FER1L6: variants seen among roughly 807,000 people sequenced by gnomAD.
FER1L6 encodes the protein fer-1-like protein 6.
Under a neutral mutation model 219.2 loss-of-function variants are expected in FER1L6, and 177 were observed. The ratio of observed to expected loss-of-function variants is 0.81; its 90% confidence interval spans 0.71 to 0.91. The LOEUF is 0.91. Ranked by LOEUF, FER1L6 falls within the 40% of genes least tolerant of loss-of-function variation. The probability of loss-of-function intolerance (pLI) is 0.00; values close to 1 mark genes in which losing one functional copy is unlikely to be tolerated. For synonymous variants in FER1L6, 768 were observed against 824.3 expected, an observed-to-expected ratio of 0.93 and a Z score of 1.17; for missense variants, 2,153 against 2,259.9, an observed-to-expected ratio of 0.95 and a Z score of 0.96.
chr8:124,100,603 G>C (rs1167843985), intron 37 of FER1L6, among the ~76,000 whole-genome samples: 1 of 152,098 alleles, frequency 6.6e-6, no homozygotes, highest in Non-Finnish European at 1.5e-5. Context: ...AGGGAGGAGG[G>C]GACCAATTAT....
chr8:124,035,328 T>C lies in FER1L6; in HGVS notation c.2338T>C (p.Tyr780His). ...GWSVQAKVDVYLWLGSIKHAS... is the reference protein window; with the variant it reads ...GWSVQAKVDVHLWLGSIKHAS... The stretch of plus-strand genomic sequence containing the variant: ...GTCTGTGCAAGCAAAAGTCGACGTG[T>C]ACCTGTGGCTGGGCTCCATCAAGCA... The change falls in exon 19 of 41, where the codon TAC becomes CAC. Residue 780 changes from tyrosine (Y) to histidine (H), a missense_variant. Coordinates refer to ENST00000522917, the MANE Select transcript of FER1L6 (RefSeq NM_001039112.2). The C allele has an allele frequency of 6.2e-7, 1 of 1,614,136 alleles. No homozygotes were observed. The highest frequency in any genetic ancestry group is 1.1e-5 in the South Asian group (1 of 91,082).
chr8:124,075,374 G>C (rs146376784), intron 31 of FER1L6, among the ~76,000 whole-genome samples: 4 of 152,090 alleles, frequency 2.6e-5, no homozygotes, highest in Non-Finnish European at 5.9e-5. Flanking sequence ...ACAGGGTCAG[G>C]ATCATCAATA....
In FER1L6 at chr8:124,060,727, T is replaced by C; in HGVS notation, c.3147+18T>C. 1 of 1,607,934 alleles carries C rather than the reference T, an allele frequency of 6.2e-7. No individual in the cohort carries two copies. Among genetic ancestry groups the C allele is most frequent in the Non-Finnish European group, 8.5e-7 (1 of 1,174,892 alleles). ...TCGAAGTGGTGCGAGCTTCTCACTC[T>C]CCCGACCTGGCTCATTCCTCTTTTT... is the stretch of plus-strand genomic sequence containing the variant. On this transcript the variant is annotated intron_variant, in intron 24 of 40. Coordinates refer to ENST00000522917, the MANE Select transcript of FER1L6 (RefSeq NM_001039112.2).
intron 39 of FER1L6, among the ~76,000 whole-genome samples, chr8:124,112,952 A>G (rs887921861): frequency 6.6e-6 from 1 of 152,190 alleles, no homozygotes; most frequent in African/African-American, 2.4e-5. Context: ...ACATATGTAT[A>G]CCATCTAAAG....
chr8:123,945,306 G>T (rs1001104988), intron 1 of FER1L6, among the ~76,000 whole-genome samples: 19 of 152,188 alleles, frequency 1.2e-4, no homozygotes, highest in Non-Finnish European at 1.5e-5. Context: ...TGTTCAAGAG[G>T]CTCCAACTTC....
chr8:124,064,812 G>C (rs986690799), intron 26 of FER1L6, among the ~76,000 whole-genome samples: 3 of 152,184 alleles, frequency 2.0e-5, no homozygotes, highest in Non-Finnish European at 4.4e-5. Context: ...ATATTTAATG[G>C]AACGGAAACT....
chr8:124,015,343 C>T (rs1381793739), intron 15 of FER1L6, among the ~76,000 whole-genome samples: 1 of 151,658 alleles, frequency 6.6e-6, no homozygotes, highest in Admixed American at 6.6e-5. Flanking sequence ...TTGGACTAAC[C>T]CTTGAAATTA....
intron 1 of FER1L6, among the ~76,000 whole-genome samples, chr8:123,860,009 T>A (rs1478275898): frequency 6.8e-6 from 1 of 147,228 alleles, no homozygotes; most frequent in African/African-American, 2.6e-5. Context: ...CTTTAAGTTT[T>A]AGGGTACATG....
At chr8:123,892,231 T>C (rs1301301713) in intron 1 of FER1L6, among the ~76,000 whole-genome samples, 1 of 152,168 alleles carries the variant, frequency 6.6e-6, no homozygotes, top group Non-Finnish European at 1.5e-5. Flanking sequence ...ATGTAAGAGA[T>C]AATAATAGAT....
intron 1 of FER1L6, among the ~76,000 whole-genome samples, chr8:123,939,459 A>T (rs145857286): frequency 6.6e-6 from 1 of 152,090 alleles, no homozygotes; most frequent in African/African-American, 2.4e-5. Context: ...AGTGCTGGAG[A>T]TTTATTCGGG....
Position 123,976,093 on chromosome 8 carries a change from C to G in FER1L6, c.870+9C>G. The G allele has an allele frequency of 6.2e-7, 1 of 1,602,544 alleles. No individual in the cohort carries two copies. Among genetic ancestry groups the G allele is most frequent in the South Asian group, 1.1e-5 (1 of 88,996 alleles). On this transcript the variant is annotated intron_variant, in intron 9 of 40. Transcript: ENST00000522917. ...CCTTTGCTGGGCAGATGGTGAGGAA[C>G]CATTGTCACTAACACTGCCTGCTAG... is the stretch of plus-strand genomic sequence containing the variant.
Position 124,060,627 on chromosome 8 carries a change from G to A in FER1L6, c.3065G>A (p.Gly1022Glu), listed in dbSNP as rs750353693. Reference sequence around the variant, plus strand: ...CGGCCTCAGGCTCTCATTGAGTGCGGAGGACAAGGTGTGAAGTCCTGCGTG... The same window carrying A: ...CGGCCTCAGGCTCTCATTGAGTGCGAAGGACAAGGTGTGAAGTCCTGCGTG... ...VDRPQALIEC[G>E]GQGVKSCVIQ... is the part of the protein sequence containing the mutation. Residue 1022 changes from glycine (G) to glutamate (E), a missense_variant, in exon 24 of 41, where the codon GGA (glycine) becomes GAA (glutamate). By Grantham distance (98) the Gly-to-Glu change is moderately conservative. Coordinates refer to ENST00000522917, the MANE Select transcript of FER1L6 (RefSeq NM_001039112.2). 1.2e-6 allele frequency: 2 copies of A among 1,614,138 alleles called. No homozygotes were observed. The highest frequency in any genetic ancestry group is 2.2e-5 in the South Asian group (2 of 91,084).
chr8:124,072,763 T>A (rs547859237), intron 31 of FER1L6, among the ~76,000 whole-genome samples: 8 of 152,110 alleles, frequency 5.3e-5, no homozygotes, highest in Middle Eastern at 6.8e-3. Flanking sequence ...GAACTTAGAG[T>A]CACTGACAAT....
chr8:124,075,983 G>A (rs1156678785), intron 31 of FER1L6, among the ~76,000 whole-genome samples: 5 of 152,166 alleles, frequency 3.3e-5, no homozygotes, highest in Non-Finnish European at 7.3e-5. Context: ...CTTTTTAGCA[G>A]CAAAATGTAG....
intron 14 of FER1L6, among the ~76,000 whole-genome samples, chr8:124,012,234 T>C (rs1259315755): frequency 1.3e-5 from 2 of 152,226 alleles, no homozygotes; most frequent in Non-Finnish European, 2.9e-5. Flanking sequence ...TAAAACAAAG[T>C]ATTGTCTCTG....
chr8:123,910,155 T>C (rs560977833), intron 1 of FER1L6, among the ~76,000 whole-genome samples: 9 of 152,312 alleles, frequency 5.9e-5, no homozygotes, highest in African/African-American at 1.7e-4. Context: ...CCTTAAGCCA[T>C]GTCTGACCCG....
intron 1 of FER1L6, among the ~76,000 whole-genome samples, chr8:123,890,263 T>C (rs1288080970): frequency 6.6e-6 from 1 of 152,118 alleles, no homozygotes; most frequent in Non-Finnish European, 1.5e-5. Flanking sequence ...TTGGTGGACT[T>C]ACAGACATTA....
At chr8:123,993,366 C>T (rs1249666856) in intron 12 of FER1L6, among the ~76,000 whole-genome samples, 2 of 147,040 alleles carry the variant, frequency 1.4e-5, no homozygotes, top group South Asian at 2.2e-4. Context: ...GGCGTGAACC[C>T]GGGAGGCGGA....
At chr8:123,945,080 A>G (rs1814428853) in intron 1 of FER1L6, among the ~76,000 whole-genome samples, 3 of 152,214 alleles carry the variant, frequency 2.0e-5, no homozygotes, top group Non-Finnish European at 4.4e-5. Flanking sequence ...TGAGTTTATC[A>G]TCTTCAGTAG....
Sources: allele counts gnomAD v4.1 joint callset (sites outside exome capture counted in the v4.1 genomes callset), GRCh38; gene constraint gnomAD v4.1.1; transcripts MANE v1.5; gene names NCBI Gene and HGNC (gene_info 2026-07-23, HGNC 2026-07-21).